The following CCZ1B variants were observed in gnomAD, a reference collection of about 807,000 sequenced individuals.
CCZ1B encodes the protein CCZ1B vacuolar protein trafficking and biogenesis associated.
CCZ1B carries 25 observed loss-of-function variants against 58.8 expected under a neutral mutation model. That is an observed-to-expected ratio of 0.43 (90% CI 0.31 to 0.59). CCZ1B has a LOEUF of 0.59. CCZ1B is among the 20% of genes least tolerant of loss of function. CCZ1B has a pLI of 0.12. For missense variants in CCZ1B, 180 were observed against 501.5 expected, an observed-to-expected ratio of 0.36 and a Z score of 6.12; for synonymous variants, 66 against 173.2, an observed-to-expected ratio of 0.38 and a Z score of 4.86.
intron 9 of CCZ1B, chr7:6,812,282 A>G: frequency 2.0e-6 from 1 of 512,798 alleles, no homozygotes; most frequent in Non-Finnish European, 3.5e-6. Context: ...TGAAGTCAGG[A>G]GTTCAAGGGC....
chr7:6,812,866 G>A, intron 9 of CCZ1B, 110 bp downstream of exon 9: 6 of 1,544,404 alleles, frequency 3.9e-6, no homozygotes, highest in Non-Finnish European at 5.2e-6. Context: ...GGCAGAGGTT[G>A]CAGTGAGCGG....
At chr7:6,824,968 C>T (rs1783171868) in intron 1 of CCZ1B, among the ~76,000 whole-genome samples, 1 of 149,144 alleles carries the variant, frequency 6.7e-6, no homozygotes, top group Non-Finnish European at 1.5e-5. Flanking sequence ...AGTGAGACGT[C>T]TCTATTATTT....
Position 6,813,567 on chromosome 7 carries a change from C to T in CCZ1B, c.781-530G>A, listed in dbSNP as rs1163486936. On this transcript the variant is annotated intron_variant, in intron 8 of 14. Transcript: ENST00000316731. ...ATCTCTTAAAAAAAATATTGGAGAG[C>T]GGGAGGACAAGAGGGAGGGAATGAA... 9.4e-5 allele frequency among the ~76,000 whole-genome samples: 14 copies of T among 148,916 alleles called. 2 individuals are homozygous for T. Among genetic ancestry groups the T allele is most frequent in the African/African-American group, 3.1e-4 (12 of 39,256 alleles).
At chr7:6,824,214 T>C (rs532031502) in intron 3 of CCZ1B, 48 bp from the exon 4 acceptor site, 10 of 1,508,190 alleles carry the variant, frequency 6.6e-6, no homozygotes, top group African/African-American at 4.5e-5. Flanking sequence ...CATTAGACCA[T>C]GTTTATTTTG....
chr7:6,824,700 A>G lies in CCZ1B; in HGVS notation c.158T>C (p.Val53Ala). The G allele has an allele frequency of 1.2e-6, 2 of 1,605,044 alleles. No homozygotes were observed. The highest frequency in any genetic ancestry group is 1.7e-6 in the Non-Finnish European group (2 of 1,177,566). Residue 53 changes from valine to alanine, a missense_variant, in exon 2 of 15, where the codon GTA (valine) becomes GCA (alanine). Transcript: ENST00000316731. ...NKILFYHPNE[V>A]EKNEKIRNVG... ...ATTTCTAATCTTCTCATTCTTTTCT[A>G]CCTCATTTGGATGATAAAATAAAAT...
At chr7:6,816,837 C>G (rs988609939) in intron 7 of CCZ1B, among the ~76,000 whole-genome samples, 4 of 151,758 alleles carry the variant, frequency 2.6e-5, no homozygotes, top group African/African-American at 9.7e-5. Context: ...ACTGCAACCT[C>G]AAACTTCCAG....
rs564683572 is a variant in CCZ1B, at chr7:6,818,892, C to T, written c.698+874G>A. ...TATATGCTGGGCAGTCTTGTGCCCA[C>T]GTTGTTCCTACTGCAGGACACAAAC... On this transcript the variant is annotated intron_variant, in intron 7 of 14. Transcript: ENST00000316731. Among the ~76,000 whole-genome samples, 156 of 148,518 alleles carry T rather than the reference C, an allele frequency of 1.1e-3. 7 individuals carry two copies. In the South Asian group the frequency reaches 0.015, roughly 15 times the overall value.
At chr7:6,801,906 G>A (rs1782774696) in intron 12 of CCZ1B, among the ~76,000 whole-genome samples, 1 of 119,610 alleles carries the variant, frequency 8.4e-6, no homozygotes, top group Non-Finnish European at 1.8e-5. Flanking sequence ...AGTTTCACGG[G>A]AACCTCGCCA....
intron 10 of CCZ1B, among the ~76,000 whole-genome samples, chr7:6,809,383 G>T (rs1416992353): frequency 7.1e-6 from 1 of 139,888 alleles, no homozygotes; most frequent in Non-Finnish European, 1.5e-5. Flanking sequence ...AAAAGGTAAG[G>T]ACCCTTTAAC....
intron 7 of CCZ1B, among the ~76,000 whole-genome samples, chr7:6,816,540 CTGCT>C (rs1783002891): frequency 6.6e-6 from 1 of 150,680 alleles, no homozygotes; most frequent in African/African-American, 2.5e-5. Context: ...AATATATACT[CTGCT>C]TGTGACAAAT....
chr7:6,803,967 A>G (rs922549332), intron 12 of CCZ1B, among the ~76,000 whole-genome samples: 1 of 146,518 alleles, frequency 6.8e-6, no homozygotes, highest in African/African-American at 2.5e-5. Context: ...AAAAAACCCA[A>G]AAAACAACGT....
At chr7:6,808,982 T>TACA (rs2115114098) in intron 10 of CCZ1B, among the ~76,000 whole-genome samples, 1 of 143,518 alleles carries the variant, frequency 7.0e-6, no homozygotes, top group South Asian at 2.3e-4. Flanking sequence ...GTGCTGGGAT[T>TACA]ACAGGTGTGA....
At chr7:6,813,795 G>A (rs1416252686) in intron 8 of CCZ1B, among the ~76,000 whole-genome samples, 2 of 148,908 alleles carry the variant, frequency 1.3e-5, no homozygotes, top group African/African-American at 2.5e-5. Context: ...ATACTACACA[G>A]GTTGATTGTT....
At chr7:6,802,360 G>GCCCCTCCCCT (rs1313085788) in intron 12 of CCZ1B, among the ~76,000 whole-genome samples, 2 of 54,176 alleles carry the variant, frequency 3.7e-5, no homozygotes, top group Admixed American at 4.9e-4. Flanking sequence ...TGCTCCTGGG[G>GCCCCTCCCCT]CCCCTCCCCT....
chr7:6,813,624 AATG>A (rs1385555148), intron 8 of CCZ1B, among the ~76,000 whole-genome samples: 1 of 149,486 alleles, frequency 6.7e-6, no homozygotes, highest in Non-Finnish European at 1.5e-5. Flanking sequence ...ACTGAGCCAA[AATG>A]ATTTTTGTGT....
In CCZ1B at chr7:6,814,808, T is replaced by C. The variant is rs772006052; in HGVS notation, c.736A>G (p.Lys246Glu). ...GGGAAAAGGGAGGTGGTAAGGTATT[T>C]GTATAAAATTCTCATGTCATCTTGT... is the stretch of plus-strand genomic sequence containing the variant. ...LEQDDMRILYKYLTTSLFPRH... is the reference protein window; with the variant it reads ...LEQDDMRILYEYLTTSLFPRH... Residue 246 changes from lysine (K) to glutamate (E), a missense_variant, in exon 8 of 15, where the codon AAA (lysine) becomes GAA (glutamate). Transcript: ENST00000316731. 15 of 1,607,136 alleles carry C rather than the reference T, an allele frequency of 9.3e-6. No homozygotes were observed. The South Asian group carries it at 1.2e-4, about 13-fold the overall frequency.
intron 5 of CCZ1B, among the ~76,000 whole-genome samples, chr7:6,822,805 G>C (rs951797970): frequency 7.0e-6 from 1 of 142,266 alleles, no homozygotes; most frequent in African/African-American, 2.7e-5. Context: ...AGGTGCGAGC[G>C]ATCCTCCCAC....
At chr7:6,813,165 G>A (rs1323761812) in intron 8 of CCZ1B, 128 bp from the exon 9 acceptor site, 7 of 1,431,272 alleles carry the variant, frequency 4.9e-6, no homozygotes, top group African/African-American at 3.1e-5. Flanking sequence ...ACAGGATCTT[G>A]TTCTGTTGCC....
At chr7:6,817,211 T>C (rs1339537842) in intron 7 of CCZ1B, among the ~76,000 whole-genome samples, 1 of 151,500 alleles carries the variant, frequency 6.6e-6, no homozygotes, top group African/African-American at 2.4e-5. Context: ...TATTCCAAGA[T>C]GACGATGCCA....
Sources: gnomAD v4.1 joint callset for allele counts (sites outside exome capture counted in the v4.1 genomes callset) on GRCh38, gnomAD v4.1.1 for gene constraint, MANE v1.5 for transcripts, NCBI Gene and HGNC (gene_info 2026-07-23, HGNC 2026-07-21) for gene names.